The following NOD1 variants were observed in gnomAD, a reference collection of about 807,000 sequenced individuals.
NOD1 encodes the protein nucleotide binding oligomerization domain containing 1, also known as nucleotide-binding oligomerization domain-containing protein 1.
In NOD1, 70 loss-of-function variants were observed where a neutral mutation model predicts 81.2. The ratio of observed to expected loss-of-function variants is 0.86; its 90% CI spans 0.71 to 1.05. NOD1 has a LOEUF of 1.05. NOD1 is among the 50% of genes least tolerant of loss of function. NOD1 has a pLI of 0.00. For synonymous variants in NOD1, 508 were observed against 526.9 expected (o/e 0.96, Z 0.49); for missense variants, 1,233 against 1,228.0 (o/e 1.00, Z -0.06).
In NOD1 at chr7:30,446,180, G is replaced by GC; in HGVS notation, c.2413dup (p.Ala805GlyfsTer12). The GC allele has an allele frequency of 6.2e-7, 1 of 1,614,142 alleles. No individual in the cohort carries two copies. Among genetic ancestry groups the GC allele is most frequent in the Non-Finnish European group, 8.5e-7 (1 of 1,180,012 alleles). On this transcript the variant is annotated frameshift_variant, in exon 9 of 14. Coordinates refer to ENST00000222823, the MANE Select transcript of NOD1 (RefSeq NM_006092.4). LOFTEE classifies it high-confidence loss of function. ...TGATTTGCTGTTCTTCACAGCCAGGGCGAGATACTTCCCTCCTTCACTTGT... is the reference window on the plus strand; with the variant it reads ...TGATTTGCTGTTCTTCACAGCCAGGGCCGAGATACTTCCCTCCTTCACTTGT...
Position 30,446,212 on chromosome 7 carries a change from G to GT in NOD1, c.2381dup (p.Asn794LysfsTer6), listed in dbSNP as rs757233885. 3.1e-6 allele frequency: 5 copies of GT among 1,613,798 alleles called. No individual in the cohort carries two copies. The highest frequency in any genetic ancestry group is 2.7e-5 in the African/African-American group (2 of 74,914). On this transcript the variant is annotated frameshift_variant, in exon 9 of 14. Coordinates refer to ENST00000222823, the MANE Select transcript of NOD1 (RefSeq NM_006092.4). LOFTEE classifies it high-confidence loss of function. Reference sequence around the variant, plus strand: ...ACTTCCCTCCTTCACTTGTTATTTTGTTTTTTCCCAGTCTGCAGAGAGAGT... The same window carrying GT: ...ACTTCCCTCCTTCACTTGTTATTTTGTTTTTTTCCCAGTCTGCAGAGAGAGT...
At position 30,472,850 on chromosome 7, in the gene NOD1, C is replaced by A. The variant is rs1487514923; in HGVS notation, c.-352+5756G>T. ...CCCAGTCTGTGATAGTTTTAGCAAC[C>A]CAAGCTGACTAAGACATCCTCTCCA... is the stretch of plus-strand genomic sequence containing the variant. On this transcript the variant is annotated intron_variant, in intron 1 of 13. Transcript: ENST00000222823. 2.0e-5 allele frequency among the ~76,000 whole-genome samples: 3 copies of A among 152,168 alleles called. No homozygotes were observed. In the East Asian group the frequency reaches 5.8e-4, roughly 29 times the overall value.
chr7:30,448,640 G>A (rs113419138), intron 6 of NOD1, among the ~76,000 whole-genome samples: 1 of 152,228 alleles, frequency 6.6e-6, no homozygotes, highest in African/African-American at 2.4e-5. Flanking sequence ...GAAGGACACA[G>A]GGAGGACGTG....
chr7:30,433,256 G>A, intron 11 of NOD1, 77 bp from the exon 12 acceptor site: 1 of 1,173,448 alleles, frequency 8.5e-7, no homozygotes, highest in Non-Finnish European at 1.3e-6. Context: ...AGGAGCGGGA[G>A]CTCAGCCCAA....
In NOD1 at chr7:30,452,154, C is replaced by G. The variant is rs1389084311; in HGVS notation, c.1263G>C (p.Leu421=). Reference sequence around the variant, plus strand: ...CAGTGACCAGGAGGAAGACATCTGTCAGGGTCATCGTGCAGTCGGGCAGCT... The same window carrying G: ...CAGTGACCAGGAGGAAGACATCTGTGAGGGTCATCGTGCAGTCGGGCAGCT... ...SPQLPDCTMT[L]TDVFLLVTEV... The change falls in exon 6 of 14, where the codon CTG becomes CTC. Residue 421 remains leucine (L), a synonymous_variant. Coordinates refer to ENST00000222823, the MANE Select transcript of NOD1 (RefSeq NM_006092.4). 6.2e-7 allele frequency: 1 copy of G among 1,614,014 alleles called. No individual in the cohort carries two copies.
intron 8 of NOD1, chr7:30,446,540 T>G (rs903675953): frequency 2.4e-6 from 1 of 424,576 alleles, no homozygotes; most frequent in Non-Finnish European, 4.3e-6. Flanking sequence ...AGGTCCCACT[T>G]TGACTGCCAA....
chr7:30,453,969 G>A lies in NOD1; in HGVS notation c.377-929C>T, dbSNP rs551265505. Among the ~76,000 whole-genome samples the A allele has an allele frequency of 9.2e-5, 14 of 152,358 alleles. 1 individual carries two copies. The highest frequency in any genetic ancestry group is 2.4e-4 in the African/African-American group (10 of 41,590). On this transcript the variant is annotated intron_variant, in intron 5 of 13. Transcript: ENST00000222823. Reference sequence around the variant, plus strand: ...AAAGCTAGTAAAGTAGCTGGCTAACGGAACCAACAGAGAAGTCTTTCGAAA... The same window carrying A: ...AAAGCTAGTAAAGTAGCTGGCTAACAGAACCAACAGAGAAGTCTTTCGAAA...
intron 11 of NOD1, 62 bp from the exon 12 acceptor site, chr7:30,433,241 T>C (rs1046469227): frequency 1.5e-6 from 2 of 1,345,614 alleles, no homozygotes; most frequent in Non-Finnish European, 2.1e-6. Flanking sequence ...TGTTTTAGAG[T>C]TCACAGGAGC....
chr7:30,472,001 G>C (rs1583888593), intron 1 of NOD1, among the ~76,000 whole-genome samples: 1 of 152,324 alleles, frequency 6.6e-6, no homozygotes, highest in South Asian at 2.1e-4. Context: ...TCTGGAGATT[G>C]AAAACTAGAC....
chr7:30,461,733 TTTGTTGTTG>T (rs373311952), intron 1 of NOD1, among the ~76,000 whole-genome samples: 30 of 152,008 alleles, frequency 2.0e-4, no homozygotes, highest in South Asian at 6.2e-4. Flanking sequence ...AGGAATGATC[TTTGTTGTTG>T]TTGTTGTTGT....
chr7:30,438,467 A>G (rs778504177), intron 9 of NOD1, among the ~76,000 whole-genome samples: 1 of 152,232 alleles, frequency 6.6e-6, no homozygotes, highest in Non-Finnish European at 1.5e-5. Context: ...AAGCACTTAG[A>G]ACCGTGTGTG....
At chr7:30,469,206 A>C in intron 1 of NOD1, 1 of 985,476 alleles carries the variant, frequency 1.0e-6, no homozygotes, top group Non-Finnish European at 1.2e-6. Flanking sequence ...CTGCCATGCC[A>C]GAACACTATA....
rs1456277201 is a variant in NOD1, at chr7:30,425,146, T to C, written c.*492A>G. ...CCAGTATCAATACATGGGAAAGTGC[T>C]GAGAAGGAAGAAAATATTTCAGGTA... On this transcript the variant is annotated 3_prime_UTR_variant, in exon 14 of 14. Transcript: ENST00000222823. The C allele has an allele frequency of 6.2e-6, 1 of 162,348 alleles. No homozygotes were observed. Among genetic ancestry groups the C allele is most frequent in the Non-Finnish European group, 1.4e-5 (1 of 74,068 alleles). 10.1% of individuals were successfully genotyped at this position (162,348 alleles called of 1,614,324 possible).
chr7:30,436,856 C>A lies in NOD1; in HGVS notation c.2537+717G>T, dbSNP rs570192504. Among the ~76,000 whole-genome samples the A allele has an allele frequency of 2.0e-5, 3 of 152,272 alleles. No individual in the cohort carries two copies. In the East Asian group the frequency reaches 5.8e-4, roughly 29 times the overall value. On this transcript the variant is annotated intron_variant, in intron 10 of 13. Transcript: ENST00000222823. ...CTAGAACCAGAAATACCATTTGACCCAGCAATCCCATTACTGGGTATTTAC... is the reference window on the plus strand; with the variant it reads ...CTAGAACCAGAAATACCATTTGACCAAGCAATCCCATTACTGGGTATTTAC...
At chr7:30,454,018 TTC>T (rs1430753829) in intron 5 of NOD1, among the ~76,000 whole-genome samples, 1 of 152,160 alleles carries the variant, frequency 6.6e-6, no homozygotes, top group Non-Finnish European at 1.5e-5. Flanking sequence ...TGGGAATACT[TTC>T]TTTTTTTTTC....
rs755169571 is a variant in NOD1 at position 30,456,833 on chromosome 7, A to G, written c.89T>C (p.Leu30Pro). 26 of 1,614,200 alleles carry G rather than the reference A, an allele frequency of 1.6e-5. No individual in the cohort carries two copies. The highest frequency in any genetic ancestry group is 2.2e-5 in the Non-Finnish European group (26 of 1,180,030). ...IQLLKSNRELLVTHIRNTQCL... is the reference protein window; with the variant it reads ...IQLLKSNRELPVTHIRNTQCL... Reference sequence around the variant, plus strand: ...CTGAGTATTGCGGATGTGAGTGACCAGAAGTTCCCGATTGCTTTTCAGTAA... The same window carrying G: ...CTGAGTATTGCGGATGTGAGTGACCGGAAGTTCCCGATTGCTTTTCAGTAA... The change falls in exon 4 of 14, where the codon CTG (leucine) becomes CCG (proline). Residue 30 changes from leucine to proline, a missense_variant. By Grantham distance (98) the Leu-to-Pro change is moderately conservative (BLOSUM62 -3). Transcript: ENST00000222823.
At chr7:30,429,505 T>A in intron 12 of NOD1, 48 bp from the exon 13 acceptor site, 1 of 1,548,870 alleles carries the variant, frequency 6.5e-7, no homozygotes. Flanking sequence ...CTGGATCAAA[T>A]TTGACCCCTT....
At chr7:30,454,371 A>G (rs1366566866) in intron 5 of NOD1, among the ~76,000 whole-genome samples, 2 of 152,176 alleles carry the variant, frequency 1.3e-5, no homozygotes, top group Non-Finnish European at 2.9e-5. Context: ...GTCCTGACAC[A>G]TTTTTGAGAT....
At chr7:30,435,600 C>A (rs1784311416) in intron 11 of NOD1, among the ~76,000 whole-genome samples, 2 of 152,096 alleles carry the variant, frequency 1.3e-5, no homozygotes, top group African/African-American at 4.8e-5. Flanking sequence ...TTGGGAGACA[C>A]CTTTTCTGTT....
Sources: gnomAD v4.1 joint callset for allele counts (sites outside exome capture counted in the v4.1 genomes callset) on GRCh38, gnomAD v4.1.1 for gene constraint, MANE v1.5 for transcripts, NCBI Gene and HGNC (gene_info 2026-07-23, HGNC 2026-07-21) for gene names.